The following CCDC32 variants were observed in gnomAD, a reference collection of about 807,000 sequenced individuals.
CCDC32 encodes coiled-coil domain containing 32.
CCDC32 carries 9 observed loss-of-function variants against 20.1 expected under a neutral mutation model. That is an observed-to-expected ratio of 0.45 (90% CI 0.27 to 0.78). The LOEUF is 0.78. CCDC32 is among the 30% of genes least tolerant of loss of function. The probability of loss-of-function intolerance (pLI) is 0.16; values close to 1 mark genes in which losing one functional copy is unlikely to be tolerated. For missense variants in CCDC32, 204 were observed against 215.5 expected (o/e 0.95, Z 0.33); for synonymous variants, 63 against 79.0 (o/e 0.80, Z 1.07).
intron 2 of CCDC32, among the ~76,000 whole-genome samples, chr15:40,561,198 GGCACGGTGGCTCACACCTGTAATCCCA>G (rs1406848244): frequency 6.6e-6 from 1 of 152,154 alleles, no homozygotes; most frequent in East Asian, 1.9e-4. Flanking sequence ...ATATTGGCCG[GGCACGGTGGCTCACACCTGTAATCCCA>G]GCACTCTGGG....
intron 1 of CCDC32, 190 bp downstream of exon 1, chr15:40,564,786 C>T: frequency 1.9e-6 from 3 of 1,614,200 alleles, no homozygotes; most frequent in South Asian, 2.2e-5. Context: ...CGCATGGCCC[C>T]TTACCCCAGG....
At chr15:40,532,788 C>T (rs1888939406), downstream of CCDC32, among the ~76,000 whole-genome samples, 1 of 128,354 alleles carries the variant, frequency 7.8e-6, no homozygotes, top group Non-Finnish European at 1.6e-5. Flanking sequence ...GTGGCATGAT[C>T]ACAGATCACT....
At chr15:40,534,680 A>G (rs1201064275), downstream of CCDC32, 7 of 538,466 alleles carry the variant, frequency 1.3e-5, no homozygotes, top group Non-Finnish European at 2.0e-5. Context: ...TCTACTTCTC[A>G]TTGTATCCTC....
downstream of CCDC32, among the ~76,000 whole-genome samples, chr15:40,550,734 G>A (rs994377826): frequency 1.3e-5 from 2 of 152,144 alleles, no homozygotes; most frequent in African/African-American, 4.8e-5. Context: ...CCGTGGAGTC[G>A]TGCAGAGCTC....
downstream of CCDC32, among the ~76,000 whole-genome samples, chr15:40,528,222 T>C (rs1894924431): frequency 1.3e-5 from 2 of 152,204 alleles, no homozygotes; most frequent in South Asian, 4.1e-4. Context: ...TTCACACACT[T>C]GGTCTTCTTT....
chr15:40,562,194 AG>A (rs1239568280), intron 2 of CCDC32: 1 of 152,116 alleles, frequency 6.6e-6, no homozygotes, highest in Non-Finnish European at 1.5e-5. Context: ...AACCAACAGT[AG>A]GCAAGAGGGT....
chr15:40,556,036 T>G (rs1890210879), intron 3 of CCDC32, among the ~76,000 whole-genome samples: 1 of 152,232 alleles, frequency 6.6e-6, no homozygotes, highest in South Asian at 2.1e-4. Flanking sequence ...CATAACAACT[T>G]ATGAGGTAAG....
chr15:40,557,673 G>T (rs1419243169), intron 2 of CCDC32: 3 of 243,354 alleles, frequency 1.2e-5, no homozygotes, highest in Non-Finnish European at 2.4e-5. Context: ...AGCCCAGCAG[G>T]TATCTCTCTA....
chr15:40,564,175 A>G (rs1890866076), intron 1 of CCDC32, among the ~76,000 whole-genome samples: 1 of 152,174 alleles, frequency 6.6e-6, no homozygotes, highest in Non-Finnish European at 1.5e-5. Context: ...AGTTCCATAT[A>G]CATGAAGATC....
At chr15:40,532,332 C>T, downstream of CCDC32, 1 of 702,412 alleles carries the variant, frequency 1.4e-6, no homozygotes, top group Non-Finnish European at 2.6e-6. Flanking sequence ...AGATTTATGA[C>T]AAACATAAGG....
downstream of CCDC32, among the ~76,000 whole-genome samples, chr15:40,551,223 A>AG (rs1284304006): frequency 6.6e-6 from 1 of 152,172 alleles, no homozygotes; most frequent in Non-Finnish European, 1.5e-5. Flanking sequence ...TCTACTAAAA[A>AG]TACAAAAAAT....
chr15:40,558,554 G>A (rs76980373), intron 2 of CCDC32, among the ~76,000 whole-genome samples: 1,687 of 152,110 alleles, frequency 0.011, 13 homozygotes, highest in Non-Finnish European at 0.017. Context: ...CTTTTGGGCC[G>A]GAAAAGGTCT....
intron 2 of CCDC32, among the ~76,000 whole-genome samples, chr15:40,558,889 C>T (rs183199525): frequency 1.3e-5 from 2 of 149,994 alleles, no homozygotes; most frequent in East Asian, 2.0e-4. Context: ...CTGCAAGCTC[C>T]GCCTCCTGGG....
chr15:40,552,496 AAAAAAAG>A (rs1889931711), downstream of CCDC32, among the ~76,000 whole-genome samples: 1 of 151,576 alleles, frequency 6.6e-6, no homozygotes, highest in South Asian at 2.1e-4. Flanking sequence ...AAAAAAAAAA[AAAAAAAG>A]AGGAAAGTAT....
At chr15:40,538,330 C>G (rs1247590305), downstream of CCDC32, 1 of 152,200 alleles carries the variant, frequency 6.6e-6, no homozygotes, top group Non-Finnish European at 1.5e-5. Flanking sequence ...TCTTGCATGG[C>G]CATGATTTGA....
downstream of CCDC32, among the ~76,000 whole-genome samples, chr15:40,548,848 T>A (rs1889728045): frequency 6.6e-6 from 1 of 152,130 alleles, no homozygotes; most frequent in Non-Finnish European, 1.5e-5. Flanking sequence ...CTGCCCAGGT[T>A]CAAAGGGAGG....
the CCDC32 span, among the ~76,000 whole-genome samples, chr15:40,521,909 T>C: frequency 1.3e-5 from 2 of 152,254 alleles, no homozygotes; most frequent in Admixed American, 6.5e-5. Flanking sequence ...TTCTGTGAAT[T>C]GTCTTTTCAC....
At chr15:40,564,695 G>T in intron 1 of CCDC32, 1 of 1,607,318 alleles carries the variant, frequency 6.2e-7, no homozygotes, top group South Asian at 1.1e-5. Flanking sequence ...TGGGTGAACT[G>T]ATGTCTAGCG....
intron 2 of CCDC32, among the ~76,000 whole-genome samples, chr15:40,559,275 G>C (rs765415756): frequency 5.3e-5 from 8 of 152,128 alleles, no homozygotes; most frequent in Non-Finnish European, 8.8e-5. Context: ...TATTTGTAAA[G>C]ACAGTCTCAC....
Sources: allele counts gnomAD v4.1 joint callset (sites outside exome capture counted in the v4.1 genomes callset), GRCh38; gene constraint gnomAD v4.1.1; transcripts MANE v1.5; gene names NCBI Gene and HGNC (gene_info 2026-07-23, HGNC 2026-07-21).